Variants in ITGBL1 observed in about 807,000 individuals in gnomAD.
The protein encoded by ITGBL1 is integrin subunit beta like 1.
ITGBL1 carries 51 observed loss-of-function variants against 68.5 expected under a neutral mutation model. That is an observed-to-expected ratio of 0.74 (90% CI 0.59 to 0.94). The LOEUF (loss-of-function observed/expected upper bound fraction) is 0.94, where lower values mean the gene tolerates loss of function less well. Among genes scored for constraint, ITGBL1 ranks in the 40% least tolerant of loss-of-function variants. The pLI is 0.00. For synonymous variants in ITGBL1, 209 were observed against 227.3 expected (o/e 0.92, Z 0.72); for missense variants, 649 against 647.4 (o/e 1.00, Z -0.03).
At chr13:101,617,638 A>G (rs2031419898) in intron 7 of ITGBL1, among the ~76,000 whole-genome samples, 1 of 152,186 alleles carries the variant, frequency 6.6e-6, no homozygotes, top group Non-Finnish European at 1.5e-5. Context: ...TTTTATTAAA[A>G]CTATAGAAAT....
intron 2 of ITGBL1, among the ~76,000 whole-genome samples, chr13:101,493,072 G>C (rs868410191): frequency 6.6e-6 from 1 of 151,902 alleles, no homozygotes; most frequent in African/African-American, 2.4e-5. Flanking sequence ...TGGGTGGAAG[G>C]GGAGGTAGAA....
At chr13:101,528,389 G>A (rs1462751713) in intron 2 of ITGBL1, among the ~76,000 whole-genome samples, 1 of 151,562 alleles carries the variant, frequency 6.6e-6, no homozygotes, top group East Asian at 1.9e-4. Context: ...TGTGTACATT[G>A]TTGTTTATAA....
At chr13:101,510,757 A>G (rs1317712591) in intron 2 of ITGBL1, among the ~76,000 whole-genome samples, 1 of 151,804 alleles carries the variant, frequency 6.6e-6, no homozygotes, top group Non-Finnish European at 1.5e-5. Context: ...AGTGATGAGC[A>G]TTTTTTCATA....
At chr13:101,529,824 G>A (rs2049442249) in intron 2 of ITGBL1, among the ~76,000 whole-genome samples, 1 of 152,128 alleles carries the variant, frequency 6.6e-6, no homozygotes, top group South Asian at 2.1e-4. Context: ...AGTCCCTGCA[G>A]CCAAGTAGAA....
intron 2 of ITGBL1, among the ~76,000 whole-genome samples, chr13:101,539,564 C>A (rs1265042130): frequency 6.6e-6 from 1 of 151,850 alleles, no homozygotes; most frequent in African/African-American, 2.4e-5. Context: ...TGGGTATATA[C>A]CCAGTAATGG....
chr13:101,526,880 A>C (rs1366705784), intron 2 of ITGBL1, among the ~76,000 whole-genome samples: 1 of 152,108 alleles, frequency 6.6e-6, no homozygotes, highest in African/African-American at 2.4e-5. Context: ...TCCAGCTTGC[A>C]TTTACTAAAA....
rs1566753902 is a variant in ITGBL1, at chr13:101,605,473, T to TCC, written c.1015+7174_1015+7175insCC. Among the ~76,000 whole-genome samples the TCC allele has an allele frequency of 3.1e-3, 456 of 147,590 alleles. 28 individuals carry two copies. Among genetic ancestry groups the TCC allele is most frequent in the African/African-American group, 0.011 (426 of 40,340 alleles). ...ATACACATATATAGACATATGTATA[T>TCC]GCGTATATATACACATATATAGACA... is the stretch of plus-strand genomic sequence containing the variant. On this transcript the variant is annotated intron_variant, in intron 7 of 10. Coordinates refer to ENST00000376180, the MANE Select transcript of ITGBL1 (RefSeq NM_004791.3).
intron 2 of ITGBL1, among the ~76,000 whole-genome samples, chr13:101,458,091 A>G (rs923927018): frequency 6.6e-6 from 1 of 152,202 alleles, no homozygotes; most frequent in Non-Finnish European, 1.5e-5. Context: ...TGTTGAAGGG[A>G]GTGTAAAGAT....
chr13:101,508,853 AT>A (rs1294259128), intron 2 of ITGBL1, among the ~76,000 whole-genome samples: 2 of 152,110 alleles, frequency 1.3e-5, no homozygotes, highest in East Asian at 3.8e-4. Flanking sequence ...AATCAAATTT[AT>A]TGTAATAAAC....
chr13:101,644,354 G>C (rs1302017348), intron 7 of ITGBL1, among the ~76,000 whole-genome samples: 1 of 152,164 alleles, frequency 6.6e-6, no homozygotes, highest in African/African-American at 2.4e-5. Context: ...GAATCTGAGT[G>C]ATATTCATGG....
At chr13:101,589,552 G>C (rs2139304092) in intron 6 of ITGBL1, among the ~76,000 whole-genome samples, 1 of 152,252 alleles carries the variant, frequency 6.6e-6, no homozygotes, top group African/African-American at 2.4e-5. Flanking sequence ...AGACATATCA[G>C]TGGATGATTT....
downstream of ITGBL1, chr13:101,717,417 A>G (rs1335626047): frequency 6.6e-6 from 1 of 152,206 alleles, no homozygotes; most frequent in Non-Finnish European, 1.5e-5. Flanking sequence ...TAAGTAGTCA[A>G]TAAATAATGT....
intron 7 of ITGBL1, among the ~76,000 whole-genome samples, chr13:101,667,675 A>G (rs2033255606): frequency 1.3e-5 from 2 of 151,994 alleles, no homozygotes; most frequent in Admixed American, 1.3e-4. Context: ...TTTATAAACC[A>G]TTGAGTTTAT....
At chr13:101,693,640 A>G (rs567683337) in intron 8 of ITGBL1, among the ~76,000 whole-genome samples, 264 of 151,908 alleles carry the variant, frequency 1.7e-3, no homozygotes, top group African/African-American at 5.7e-3. Flanking sequence ...CTATCTATCT[A>G]TCTATCTATC....
chr13:101,473,960 G>A (rs1255454758), intron 2 of ITGBL1, among the ~76,000 whole-genome samples: 1 of 152,184 alleles, frequency 6.6e-6, no homozygotes, highest in Non-Finnish European at 1.5e-5. Flanking sequence ...CTTGCTGTGG[G>A]CCATGGGTGA....
intron 7 of ITGBL1, among the ~76,000 whole-genome samples, chr13:101,663,341 A>G (rs899079861): frequency 1.3e-5 from 2 of 152,166 alleles, no homozygotes; most frequent in African/African-American, 2.4e-5. Context: ...CTCTAATTCT[A>G]TTACATCTGA....
intron 2 of ITGBL1, 92 bp downstream of exon 2, chr13:101,454,192 C>G (rs2048207367): frequency 2.3e-6 from 2 of 853,648 alleles, no homozygotes; most frequent in Non-Finnish European, 3.3e-6. Flanking sequence ...GGTGGGGACA[C>G]GCCTCCCTTC....
chr13:101,664,564 T>C (rs958428543), intron 7 of ITGBL1, among the ~76,000 whole-genome samples: 15 of 152,344 alleles, frequency 9.8e-5, no homozygotes, highest in African/African-American at 3.6e-4. Flanking sequence ...GCAGTTGGGA[T>C]ATATAATTGA....
intron 2 of ITGBL1, among the ~76,000 whole-genome samples, chr13:101,469,895 T>G (rs2048433927): frequency 6.6e-6 from 1 of 152,194 alleles, no homozygotes; most frequent in South Asian, 2.1e-4. Context: ...GGAATTGGAA[T>G]TAAAAAACAA....
Sources: gnomAD v4.1 joint callset for allele counts (sites outside exome capture counted in the v4.1 genomes callset) on GRCh38, gnomAD v4.1.1 for gene constraint, MANE v1.5 for transcripts, NCBI Gene and HGNC (gene_info 2026-07-23, HGNC 2026-07-21) for gene names.